PLEKHA6: variants seen among roughly 807,000 people sequenced by gnomAD.
The protein encoded by PLEKHA6 is pleckstrin homology domain containing A6, also known as pleckstrin homology domain-containing family A member 6.
In PLEKHA6, 60 loss-of-function variants were observed where a neutral mutation model predicts 116.7. That is an observed-to-expected ratio of 0.51 (90% CI 0.42 to 0.64). The LOEUF (loss-of-function observed/expected upper bound fraction) is 0.64. Ranked by LOEUF, PLEKHA6 falls within the 30% of genes least tolerant of loss-of-function variation. The probability of loss-of-function intolerance (pLI) is 0.00; values close to 1 mark genes in which losing one functional copy is unlikely to be tolerated. For synonymous variants in PLEKHA6, 489 were observed against 556.1 expected, an observed-to-expected ratio of 0.88 and a Z score of 1.70; for missense variants, 1,338 against 1,422.7, an observed-to-expected ratio of 0.94 and a Z score of 0.96.
chr1:204,327,582 T>A (rs1189368943), intron 1 of PLEKHA6, among the ~76,000 whole-genome samples: 1 of 152,206 alleles, frequency 6.6e-6, no homozygotes, highest in Non-Finnish European at 1.5e-5. Flanking sequence ...TCCATGCACG[T>A]TGTGGTGTCC....
upstream of PLEKHA6, among the ~76,000 whole-genome samples, chr1:204,360,635 T>C (rs1418378663): frequency 2.0e-5 from 3 of 152,124 alleles, no homozygotes; most frequent in Non-Finnish European, 4.4e-5. Context: ...ACAGACCCAC[T>C]TGTATTGGAG....
Position 204,253,051 on chromosome 1 carries a change from A to C in PLEKHA6, c.1525-2437T>G, listed in dbSNP as rs1029878514. ...TGTGTGCTACCTTCTGTCTCTTCAAAATGTTAGATTTTGTAAGAAACTACC... is the reference window on the plus strand; with the variant it reads ...TGTGTGCTACCTTCTGTCTCTTCAACATGTTAGATTTTGTAAGAAACTACC... On this transcript the variant is annotated intron_variant, in intron 9 of 22. Transcript: ENST00000272203. 5.9e-5 allele frequency among the ~76,000 whole-genome samples: 9 copies of C among 152,170 alleles called. 1 individual carries two copies. Among genetic ancestry groups the C allele is most frequent in the African/African-American group, 2.2e-4 (9 of 41,440 alleles).
intron 1 of PLEKHA6, among the ~76,000 whole-genome samples, chr1:204,342,578 G>C (rs902913038): frequency 6.6e-6 from 1 of 152,258 alleles, no homozygotes; most frequent in African/African-American, 2.4e-5. Context: ...GATTCAGCAT[G>C]TTGGGGTGAG....
At chr1:204,296,261 G>A (rs1226406588) in intron 1 of PLEKHA6, among the ~76,000 whole-genome samples, 1 of 152,096 alleles carries the variant, frequency 6.6e-6, no homozygotes, top group African/African-American at 2.4e-5. Flanking sequence ...ACATGCGTGT[G>A]TTTCGTGGCC....
chr1:204,369,794 G>A (rs1023064276), intron 2 of PLEKHA6: 1 of 152,214 alleles, frequency 6.6e-6, no homozygotes, highest in African/African-American at 2.4e-5. Flanking sequence ...TAATGAGGTG[G>A]AAGGACTCAA....
At chr1:204,342,969 G>A (rs534083005) in intron 1 of PLEKHA6, among the ~76,000 whole-genome samples, 105 of 152,274 alleles carry the variant, frequency 6.9e-4, no homozygotes, top group African/African-American at 1.9e-3. Flanking sequence ...AAAAGGACGC[G>A]ACTGCATCAG....
At chr1:204,268,911 G>A (rs985222962) in intron 3 of PLEKHA6, among the ~76,000 whole-genome samples, 4 of 152,096 alleles carry the variant, frequency 2.6e-5, no homozygotes, top group African/African-American at 7.2e-5. Flanking sequence ...CGTTCTTTCA[G>A]TCTAAGGGTT....
At chr1:204,255,073 C>G (rs1412083945) in intron 9 of PLEKHA6, among the ~76,000 whole-genome samples, 1 of 152,162 alleles carries the variant, frequency 6.6e-6, no homozygotes, top group Non-Finnish European at 1.5e-5. Flanking sequence ...ACTGAATTCT[C>G]AGGAATGCAC....
chr1:204,359,568 G>C (rs1269221081), intron 1 of PLEKHA6, 126 bp downstream of exon 1: 2 of 978,816 alleles, frequency 2.0e-6, no homozygotes, highest in Admixed American at 6.2e-5. Flanking sequence ...ATGAGAGATG[G>C]GGAAGCCAGT....
intron 3 of PLEKHA6, among the ~76,000 whole-genome samples, chr1:204,272,634 T>C (rs1194008948): frequency 6.6e-6 from 1 of 152,190 alleles, no homozygotes; most frequent in Non-Finnish European, 1.5e-5. Context: ...CCCAGTCTCA[T>C]TACCTTTCCT....
chr1:204,297,748 A>T (rs539186202), intron 1 of PLEKHA6: 3 of 286,852 alleles, frequency 1.0e-5, no homozygotes, highest in South Asian at 1.3e-4. Context: ...AGCTTGTGGA[A>T]CCACCAGAAA....
At chr1:204,307,741 C>T (rs1380409979) in intron 1 of PLEKHA6, 10 of 361,570 alleles carry the variant, frequency 2.8e-5, no homozygotes, top group African/African-American at 8.8e-5. Context: ...GCAGCAACTC[C>T]TGAAACCCTA....
chr1:204,253,861 A>G (rs1483932631), intron 9 of PLEKHA6, among the ~76,000 whole-genome samples: 2 of 151,240 alleles, frequency 1.3e-5, no homozygotes, highest in Non-Finnish European at 2.9e-5. Context: ...CAAAAACAAA[A>G]ACAAACAAAC....
intron 1 of PLEKHA6, among the ~76,000 whole-genome samples, chr1:204,373,446 C>T (rs191462790): frequency 6.6e-6 from 1 of 152,118 alleles, no homozygotes; most frequent in Non-Finnish European, 1.5e-5. Flanking sequence ...TTACAAACTC[C>T]TGACCTCAAG....
chr1:204,372,103 T>G (rs1332816548), intron 1 of PLEKHA6, among the ~76,000 whole-genome samples: 1 of 152,188 alleles, frequency 6.6e-6, no homozygotes, highest in Admixed American at 6.5e-5. Context: ...GAACCCATAG[T>G]CCTTATGTGT....
At chr1:204,227,997 C>T (rs946653191) in intron 21 of PLEKHA6, 86 bp downstream of exon 21, 1 of 1,351,134 alleles carries the variant, frequency 7.4e-7, no homozygotes, top group Non-Finnish European at 1.0e-6. Context: ...TGCTACTGCC[C>T]CCCTTGTAGC....
intron 1 of PLEKHA6, among the ~76,000 whole-genome samples, chr1:204,300,616 CT>C (rs1328360595): frequency 2.0e-5 from 3 of 152,204 alleles, no homozygotes; most frequent in East Asian, 1.9e-4. Flanking sequence ...AAGTACCCCC[CT>C]AATCAGAGAA....
chr1:204,295,922 G>A (rs1235639223), intron 1 of PLEKHA6, among the ~76,000 whole-genome samples: 5 of 152,132 alleles, frequency 3.3e-5, no homozygotes, highest in African/African-American at 4.8e-5. Flanking sequence ...AACTATAAAC[G>A]GAAACTCAAG....
At chr1:204,308,413 G>GTCAA (rs749356082) in intron 1 of PLEKHA6, among the ~76,000 whole-genome samples, 4 of 152,026 alleles carry the variant, frequency 2.6e-5, no homozygotes, top group Non-Finnish European at 5.9e-5. Context: ...GCGAGACCCT[G>GTCAA]TCAATCAATC....
Sources: gnomAD v4.1 joint callset for allele counts (sites outside exome capture counted in the v4.1 genomes callset) on GRCh38, gnomAD v4.1.1 for gene constraint, MANE v1.5 for transcripts, NCBI Gene and HGNC (gene_info 2026-07-23, HGNC 2026-07-21) for gene names.